The following NAALADL2 variants were observed in gnomAD, a reference collection of about 807,000 sequenced individuals.
NAALADL2 encodes the protein inactive N-acetylated-alpha-linked acidic dipeptidase-like protein 2.
NAALADL2 carries 76 observed loss-of-function variants against 87.2 expected under a neutral mutation model. The observed-to-expected ratio is 0.87, with a 90% CI of 0.72 to 1.05. The LOEUF (loss-of-function observed/expected upper bound fraction) is 1.05, where lower values mean the gene tolerates loss of function less well. NAALADL2 is among the 50% of genes least tolerant of loss of function. The probability of loss-of-function intolerance (pLI) is 0.00; values close to 1 mark genes in which losing one functional copy is unlikely to be tolerated. For missense variants in NAALADL2, 1,089 were observed against 945.8 expected (o/e 1.15, Z -1.99); for synonymous variants, 354 against 331.0 (o/e 1.07, Z -0.75).
chr3:175,484,220 T>C (rs1726921407), intron 9 of NAALADL2, among the ~76,000 whole-genome samples: 1 of 152,146 alleles, frequency 6.6e-6, no homozygotes, highest in South Asian at 2.1e-4. Flanking sequence ...ATTAGTTACA[T>C]TTATAATATA....
At chr3:175,629,844 A>G (rs568008311) in intron 11 of NAALADL2, among the ~76,000 whole-genome samples, 147 of 151,866 alleles carry the variant, frequency 9.7e-4, no homozygotes, top group African/African-American at 3.5e-3. Flanking sequence ...CAGACAGAAA[A>G]TTAGAGGCCA....
chr3:175,785,106 G>A (rs1298783269), intron 13 of NAALADL2, among the ~76,000 whole-genome samples: 1 of 150,860 alleles, frequency 6.6e-6, no homozygotes, highest in East Asian at 1.9e-4. Context: ...CATTTGCTGA[G>A]GAGAGCTTTA....
At chr3:174,922,534 T>C (rs923596628) in intron 1 of NAALADL2, among the ~76,000 whole-genome samples, 17 of 152,140 alleles carry the variant, frequency 1.1e-4, no homozygotes, top group African/African-American at 4.1e-4. Context: ...AATTTGAATT[T>C]CATCAGTTTT....
intron 2 of NAALADL2, among the ~76,000 whole-genome samples, chr3:175,190,166 T>TA (rs1737933755): frequency 6.6e-6 from 1 of 151,594 alleles, no homozygotes; most frequent in Non-Finnish European, 1.5e-5. Flanking sequence ...TATATATATA[T>TA]TACATGAAAA....
chr3:175,522,981 G>A (rs577390936), intron 9 of NAALADL2, among the ~76,000 whole-genome samples: 81 of 152,180 alleles, frequency 5.3e-4, no homozygotes, highest in African/African-American at 1.9e-3. Flanking sequence ...TCCTTTAAAC[G>A]AGAAGTTCTT....
At chr3:174,535,816 T>A (rs1721673411) in intron 1 of NAALADL2, among the ~76,000 whole-genome samples, 1 of 152,164 alleles carries the variant, frequency 6.6e-6, no homozygotes, top group African/African-American at 2.4e-5. Flanking sequence ...GGCTAGGCTC[T>A]GGATTGGATT....
chr3:174,818,829 C>A (rs1721079097), intron 3 of NAALADL2, among the ~76,000 whole-genome samples: 1 of 152,068 alleles, frequency 6.6e-6, no homozygotes, highest in Non-Finnish European at 1.5e-5. Context: ...GTCTGTGTGG[C>A]TCACTGCAGG....
intron 11 of NAALADL2, among the ~76,000 whole-genome samples, chr3:175,715,916 A>C (rs1741176253): frequency 6.6e-6 from 1 of 151,708 alleles, no homozygotes; most frequent in South Asian, 2.1e-4. Flanking sequence ...GGACCCTTAA[A>C]TGTTTGATGA....
chr3:175,044,240 A>G (rs1754420229), intron 1 of NAALADL2, among the ~76,000 whole-genome samples: 1 of 152,128 alleles, frequency 6.6e-6, no homozygotes, highest in African/African-American at 2.4e-5. Flanking sequence ...ATTTTTGTAT[A>G]TTTTTGTAGA....
intron 5 of NAALADL2, among the ~76,000 whole-genome samples, chr3:175,439,673 C>G (rs1174908503): frequency 7.1e-6 from 1 of 140,586 alleles, no homozygotes; most frequent in African/African-American, 2.6e-5. Context: ...TGTTAGCCTA[C>G]TTTTTGATGG....
At chr3:174,472,972 A>G (rs760513101) in intron 1 of NAALADL2, among the ~76,000 whole-genome samples, 6 of 152,178 alleles carry the variant, frequency 3.9e-5, no homozygotes, top group Admixed American at 6.6e-5. Context: ...ATAATTTTCT[A>G]TATATGACTT....
intron 1 of NAALADL2, among the ~76,000 whole-genome samples, chr3:174,991,254 C>A (rs77838125): frequency 0.025 from 3,725 of 152,040 alleles, 125 homozygotes; most frequent in East Asian, 0.17. Flanking sequence ...ACAGTAAATA[C>A]AAGAGACAAT....
chr3:174,502,710 G>A (rs1304448493), intron 1 of NAALADL2, among the ~76,000 whole-genome samples: 1 of 151,852 alleles, frequency 6.6e-6, no homozygotes, highest in Non-Finnish European at 1.5e-5. Context: ...TGTTTCCAAG[G>A]TGTTATGTAG....
At position 175,042,455 on chromosome 3, in the gene NAALADL2, T is replaced by C. The variant is rs556103226; in HGVS notation, c.44-54335T>C. 2.0e-5 allele frequency among the ~76,000 whole-genome samples: 3 copies of C among 152,280 alleles called. No individual in the cohort carries two copies. In the East Asian group the frequency reaches 5.8e-4, roughly 29 times the overall value. Reference sequence around the variant, plus strand: ...ATACTGATTTTATTTCACTGTAATATATACACAGAATTGGGTTTGTTGGAT... The same window carrying C: ...ATACTGATTTTATTTCACTGTAATACATACACAGAATTGGGTTTGTTGGAT... On this transcript the variant is annotated intron_variant, in intron 1 of 13. Coordinates refer to ENST00000454872, the MANE Select transcript of NAALADL2 (RefSeq NM_207015.3).
chr3:175,727,095 T>A (rs530354287), intron 11 of NAALADL2, among the ~76,000 whole-genome samples: 2 of 152,258 alleles, frequency 1.3e-5, no homozygotes, highest in African/African-American at 4.8e-5. Flanking sequence ...ATCCCATCGA[T>A]TTTTCATCAT....
intron 3 of NAALADL2, among the ~76,000 whole-genome samples, chr3:174,739,585 A>G (rs996817383): frequency 2.0e-5 from 3 of 152,108 alleles, no homozygotes; most frequent in African/African-American, 7.2e-5. Flanking sequence ...TATATTATAC[A>G]AAGCATGCAA....
At chr3:175,250,064 G>A (rs558694758) in intron 3 of NAALADL2, among the ~76,000 whole-genome samples, 1 of 151,926 alleles carries the variant, frequency 6.6e-6, no homozygotes, top group East Asian at 1.9e-4. Flanking sequence ...AGCTACTCAG[G>A]AAGGCTGAGG....
At chr3:175,344,282 T>A (rs1056603797) in intron 5 of NAALADL2, among the ~76,000 whole-genome samples, 1 of 152,026 alleles carries the variant, frequency 6.6e-6, no homozygotes, top group Admixed American at 6.6e-5. Context: ...TACATCCACC[T>A]TTTCAGCACG....
At chr3:175,243,341 C>CACAG (rs1362163788) in intron 3 of NAALADL2, among the ~76,000 whole-genome samples, 4 of 151,540 alleles carry the variant, frequency 2.6e-5, no homozygotes, top group African/African-American at 4.9e-5. Context: ...CACACACACA[C>CACAG]ACACGCACGC....
Sources: allele counts gnomAD v4.1 joint callset (sites outside exome capture counted in the v4.1 genomes callset), GRCh38; gene constraint gnomAD v4.1.1; transcripts MANE v1.5; gene names NCBI Gene and HGNC (gene_info 2026-07-23, HGNC 2026-07-21).